The following MTUS2 variants were observed in gnomAD, a reference collection of about 807,000 sequenced individuals.
MTUS2 encodes microtubule associated scaffold protein 2, also known as microtubule-associated tumor suppressor candidate 2.
MTUS2 carries 40 observed loss-of-function variants against 114.1 expected under a neutral mutation model. That is an observed-to-expected ratio of 0.35 (90% CI 0.27 to 0.46). The LOEUF is 0.46. MTUS2 is among the 20% of genes least tolerant of loss of function. The pLI is 1.00. For missense variants in MTUS2, 1,679 were observed against 1,705.4 expected (o/e 0.98, Z 0.27); for synonymous variants, 688 against 672.0 (o/e 1.02, Z -0.37).
chr13:29,258,510 C>A (rs939856589), intron 5 of MTUS2, among the ~76,000 whole-genome samples: 1 of 152,220 alleles, frequency 6.6e-6, no homozygotes, highest in South Asian at 2.1e-4. Context: ...GTCTTGGATT[C>A]TGCAGGGTGT....
chr13:29,019,961 G>A (rs994229032), intron 2 of MTUS2, among the ~76,000 whole-genome samples: 9 of 152,178 alleles, frequency 5.9e-5, no homozygotes, highest in Admixed American at 4.6e-4. Context: ...GGAGCATATA[G>A]CTCTTTGTAA....
chr13:28,970,290 A>C (rs753929397), intron 2 of MTUS2, among the ~76,000 whole-genome samples: 2 of 152,180 alleles, frequency 1.3e-5, no homozygotes, highest in African/African-American at 4.8e-5. Context: ...GAATAATATA[A>C]ATTTTTTATA....
chr13:29,089,140 C>A (rs1889828410), intron 4 of MTUS2, among the ~76,000 whole-genome samples: 1 of 152,222 alleles, frequency 6.6e-6, no homozygotes, highest in African/African-American at 2.4e-5. Flanking sequence ...TCTTCTAAGG[C>A]AGATCTGGTG....
At chr13:29,331,494 A>G (rs930677092) in intron 7 of MTUS2, among the ~76,000 whole-genome samples, 15 of 152,206 alleles carry the variant, frequency 9.9e-5, no homozygotes, top group Non-Finnish European at 8.8e-5. Flanking sequence ...AAAAAGAGCC[A>G]CATAGCCAAG....
intron 10 of MTUS2, among the ~76,000 whole-genome samples, chr13:29,481,598 C>T (rs1056038119): frequency 6.6e-6 from 1 of 152,190 alleles, no homozygotes; most frequent in Non-Finnish European, 1.5e-5. Flanking sequence ...CTACCCTCCT[C>T]GGCTGCTTCC....
chr13:29,374,431 A>G (rs897156456), intron 8 of MTUS2, among the ~76,000 whole-genome samples: 14 of 152,252 alleles, frequency 9.2e-5, no homozygotes, highest in Non-Finnish European at 1.8e-4. Context: ...GACAAAAAAT[A>G]CTGTAAGCAG....
intron 2 of MTUS2, among the ~76,000 whole-genome samples, chr13:28,893,371 A>G (rs551809467): frequency 5.3e-5 from 8 of 152,202 alleles, no homozygotes; most frequent in Non-Finnish European, 1.2e-4. Context: ...TTCTGTCTCC[A>G]GTTTAATACA....
intron 4 of MTUS2, among the ~76,000 whole-genome samples, chr13:29,093,986 C>A (rs1181632408): frequency 1.3e-5 from 2 of 152,050 alleles, no homozygotes; most frequent in African/African-American, 4.8e-5. Flanking sequence ...TATGGTTTTT[C>A]TTTATTAATA....
At chr13:29,097,732 C>A (rs565651370) in intron 4 of MTUS2, among the ~76,000 whole-genome samples, 1 of 152,084 alleles carries the variant, frequency 6.6e-6, no homozygotes, top group African/African-American at 2.4e-5. Flanking sequence ...CTGTTTCCAG[C>A]TTCTTTTCAT....
chr13:29,074,725 A>C (rs1255130112), intron 4 of MTUS2, among the ~76,000 whole-genome samples: 1 of 151,946 alleles, frequency 6.6e-6, no homozygotes, highest in Non-Finnish European at 1.5e-5. Context: ...TCTTGTTCCC[A>C]GTTTTCTGTA....
chr13:28,963,081 G>T (rs1301961856), intron 2 of MTUS2, among the ~76,000 whole-genome samples: 2 of 152,190 alleles, frequency 1.3e-5, no homozygotes, highest in Non-Finnish European at 2.9e-5. Flanking sequence ...GCTGGGCGCA[G>T]TGGCTCATGC....
intron 8 of MTUS2, among the ~76,000 whole-genome samples, chr13:29,393,720 T>C (rs1167866461): frequency 1.3e-5 from 2 of 152,210 alleles, no homozygotes; most frequent in African/African-American, 4.8e-5. Context: ...CAGGAGGTCC[T>C]GACGACATGT....
intron 6 of MTUS2, among the ~76,000 whole-genome samples, chr13:29,288,736 A>T (rs1445744273): frequency 6.6e-6 from 1 of 151,924 alleles, no homozygotes; most frequent in African/African-American, 2.4e-5. Flanking sequence ...ATTCTGGGGG[A>T]GTTTTGGCAA....
intron 2 of MTUS2, among the ~76,000 whole-genome samples, chr13:29,014,101 T>C (rs1173035490): frequency 6.6e-6 from 1 of 152,178 alleles, no homozygotes; most frequent in Non-Finnish European, 1.5e-5. Flanking sequence ...CTCAGAGCCG[T>C]TGTGTTGCTT....
At chr13:29,002,021 C>A (rs571258888) in intron 2 of MTUS2, among the ~76,000 whole-genome samples, 1 of 152,152 alleles carries the variant, frequency 6.6e-6, no homozygotes, top group South Asian at 2.1e-4. Flanking sequence ...AGAAAGAATG[C>A]GGCCCTGCCA....
chr13:28,965,020 A>G (rs940702641), intron 2 of MTUS2, among the ~76,000 whole-genome samples: 5 of 152,162 alleles, frequency 3.3e-5, no homozygotes, highest in South Asian at 2.1e-4. Flanking sequence ...AGTAATTGCA[A>G]TCACCCCATG....
intron 5 of MTUS2, among the ~76,000 whole-genome samples, chr13:29,153,988 G>A (rs1892761794): frequency 6.6e-6 from 1 of 152,182 alleles, no homozygotes; most frequent in South Asian, 2.1e-4. Flanking sequence ...ACAGTCAGGG[G>A]CATCCAAAAG....
intron 4 of MTUS2, among the ~76,000 whole-genome samples, chr13:29,081,625 A>G (rs1458049885): frequency 1.4e-5 from 2 of 145,868 alleles, no homozygotes; most frequent in South Asian, 2.6e-4. Flanking sequence ...AAAAACTGCA[A>G]TTACTTTTGC....
rs1258959460 is a variant in MTUS2 at position 29,487,565 on chromosome 13, T to C, written c.3400-335T>C. ...ACCTCGTAGGGAGGACGCTTTTCTT[T>C]TCCTTTGCCGTCATCGCTCATAGCG... On this transcript the variant is annotated intron_variant, in intron 10 of 15. Coordinates refer to ENST00000612955, the MANE Select transcript of MTUS2 (RefSeq NM_001033602.4). The C allele has an allele frequency of 1.8e-5, 5 of 277,338 alleles. No individual in the cohort carries two copies. The East Asian group carries it at 4.2e-4, about 23-fold the overall frequency. 17.2% of individuals were successfully genotyped at this position (277,338 alleles called of 1,614,324 possible). A position where few individuals can be genotyped will look rare whatever the true frequency, so the allele number is the denominator to read the frequency against.
Sources: gnomAD v4.1 joint callset for allele counts (sites outside exome capture counted in the v4.1 genomes callset) on GRCh38, gnomAD v4.1.1 for gene constraint, MANE v1.5 for transcripts, NCBI Gene and HGNC (gene_info 2026-07-23, HGNC 2026-07-21) for gene names.